The following STIM2 variants were observed in gnomAD, a reference collection of about 807,000 sequenced individuals.
STIM2 encodes the protein stromal interaction molecule 2.
In STIM2, 31 loss-of-function variants were observed where a neutral mutation model predicts 85.8. That is an observed-to-expected ratio of 0.36 (90% CI 0.27 to 0.49). The LOEUF (loss-of-function observed/expected upper bound fraction) is 0.49, where lower values mean the gene tolerates loss of function less well. Among genes scored for constraint, STIM2 ranks in the 20% least tolerant of loss-of-function variants. The pLI, the probability that STIM2 is intolerant of heterozygous loss-of-function variation, is 0.98. For synonymous variants in STIM2, 356 were observed against 331.1 expected (o/e 1.08, Z -0.82); for missense variants, 841 against 927.6 (o/e 0.91, Z 1.21).
intron 2 of STIM2, among the ~76,000 whole-genome samples, chr4:26,949,341 C>T (rs1245536600): frequency 1.3e-5 from 2 of 152,240 alleles, no homozygotes; most frequent in Non-Finnish European, 1.5e-5. Flanking sequence ...GTCTTATGGT[C>T]TAAATTATTG....
chr4:26,882,519 G>A (rs548466809), intron 1 of STIM2, among the ~76,000 whole-genome samples: 22 of 151,744 alleles, frequency 1.4e-4, no homozygotes, highest in African/African-American at 3.9e-4. Context: ...GTGCAGTGGT[G>A]CCATTGTAGC....
At chr4:26,872,066 A>G (rs868438356) in intron 1 of STIM2, among the ~76,000 whole-genome samples, 1 of 152,226 alleles carries the variant, frequency 6.6e-6, no homozygotes, top group South Asian at 2.1e-4. Flanking sequence ...TTCAGGTATT[A>G]TTGACTTAAC....
intron 5 of STIM2, among the ~76,000 whole-genome samples, chr4:27,001,131 A>G (rs1183551973): frequency 6.6e-6 from 1 of 152,172 alleles, no homozygotes; most frequent in Non-Finnish European, 1.5e-5. Context: ...CAGCCTAGGA[A>G]CTTCTGTAGA....
At chr4:26,938,906 C>G (rs1423391949) in intron 2 of STIM2, among the ~76,000 whole-genome samples, 1 of 152,002 alleles carries the variant, frequency 6.6e-6, no homozygotes, top group Non-Finnish European at 1.5e-5. Context: ...GGCATAATTT[C>G]CAGTTTGTTT....
At chr4:26,956,566 A>G (rs542998098) in intron 2 of STIM2, among the ~76,000 whole-genome samples, 2 of 151,436 alleles carry the variant, frequency 1.3e-5, no homozygotes, top group African/African-American at 4.8e-5. Context: ...GCCTCAGCCT[A>G]TCTCTCTCTA....
intron 2 of STIM2, among the ~76,000 whole-genome samples, chr4:26,943,228 A>G (rs1725685401): frequency 6.6e-6 from 1 of 152,114 alleles, no homozygotes; most frequent in Non-Finnish European, 1.5e-5. Context: ...ACATTTTAAC[A>G]CATCAATTAT....
intron 3 of STIM2, among the ~76,000 whole-genome samples, chr4:26,992,833 G>C (rs894330633): frequency 6.6e-6 from 1 of 152,090 alleles, no homozygotes; most frequent in African/African-American, 2.4e-5. Flanking sequence ...ACAGCAAAAG[G>C]AGAAGTGAAT....
At chr4:26,935,926 C>T (rs1014995159) in intron 2 of STIM2, among the ~76,000 whole-genome samples, 17 of 152,064 alleles carry the variant, frequency 1.1e-4, no homozygotes, top group African/African-American at 3.9e-4. Flanking sequence ...TGCAAGATAC[C>T]TTGTTTTCTG....
chr4:26,996,592 TGACTA>T (rs1389481815), intron 4 of STIM2, among the ~76,000 whole-genome samples: 1 of 152,068 alleles, frequency 6.6e-6, no homozygotes, highest in African/African-American at 2.4e-5. Context: ...ATTATACACA[TGACTA>T]GAATGATGAA....
chr4:26,927,747 C>G (rs1441600086), intron 2 of STIM2, among the ~76,000 whole-genome samples: 26 of 74,422 alleles, frequency 3.5e-4, no homozygotes, highest in African/African-American at 1.8e-3. Context: ...TAGCCAACTG[C>G]TAAACCCTTA....
At chr4:26,982,994 G>T (rs1279109462) in intron 3 of STIM2, among the ~76,000 whole-genome samples, 2 of 152,152 alleles carry the variant, frequency 1.3e-5, no homozygotes, top group South Asian at 2.1e-4. Context: ...TCTTTCAGGG[G>T]CCTGCCTTAT....
At chr4:26,947,910 A>G (rs1177995272) in intron 2 of STIM2, among the ~76,000 whole-genome samples, 1 of 152,246 alleles carries the variant, frequency 6.6e-6, no homozygotes, top group Non-Finnish European at 1.5e-5. Flanking sequence ...TCCAAAGGAA[A>G]TCATCAGAAG....
chr4:26,972,023 A>G (rs1178117853), intron 3 of STIM2, among the ~76,000 whole-genome samples: 3 of 152,148 alleles, frequency 2.0e-5, no homozygotes, highest in African/African-American at 7.2e-5. Flanking sequence ...GAGTTCACTC[A>G]TGATTTGGCT....
intron 1 of STIM2, among the ~76,000 whole-genome samples, chr4:26,892,712 G>T (rs1381642454): frequency 6.6e-6 from 1 of 152,204 alleles, no homozygotes; most frequent in Admixed American, 6.5e-5. Context: ...GGAAGGGAAA[G>T]TTGATCAAGG....
intron 7 of STIM2, among the ~76,000 whole-genome samples, chr4:27,006,476 G>A (rs534292077): frequency 2.0e-5 from 3 of 152,172 alleles, no homozygotes; most frequent in Non-Finnish European, 4.4e-5. Flanking sequence ...AGGATGCTCC[G>A]TAGTCGCTCG....
intron 3 of STIM2, among the ~76,000 whole-genome samples, chr4:26,960,272 A>G (rs574758386): frequency 6.6e-5 from 10 of 152,206 alleles, no homozygotes; most frequent in Non-Finnish European, 1.5e-4. Context: ...ACCCCTAACA[A>G]TAACATGTAA....
chr4:26,880,173 C>T (rs1722951748), intron 1 of STIM2, among the ~76,000 whole-genome samples: 1 of 152,142 alleles, frequency 6.6e-6, no homozygotes, highest in Admixed American at 6.6e-5. Context: ...TTCCATCTAC[C>T]CAGCTTCCTT....
At chr4:26,957,578 A>G in intron 2 of STIM2, 34 bp from the exon 3 acceptor site, 1 of 1,225,756 alleles carries the variant, frequency 8.2e-7, no homozygotes, top group Non-Finnish European at 1.1e-6. Context: ...AAGGTAATGA[A>G]TTTATATTTA....
chr4:26,866,483 G>A (rs139664782), intron 1 of STIM2, among the ~76,000 whole-genome samples: 8 of 152,326 alleles, frequency 5.3e-5, no homozygotes, highest in African/African-American at 1.9e-4. Flanking sequence ...CAGGATTTGA[G>A]CTGGACCTTG....
Sources: gnomAD v4.1 joint callset for allele counts (sites outside exome capture counted in the v4.1 genomes callset) on GRCh38, gnomAD v4.1.1 for gene constraint, MANE v1.5 for transcripts, NCBI Gene and HGNC (gene_info 2026-07-23, HGNC 2026-07-21) for gene names.